Variants in ZNF48 observed in about 807,000 individuals in gnomAD.
ZNF48 encodes zinc finger protein 553.
A neutral mutation model predicts 40.0 loss-of-function variants in ZNF48; 20 were observed. The observed-to-expected ratio is 0.50, with a 90% CI of 0.35 to 0.73. The LOEUF is 0.73. ZNF48 is among the 30% of genes least tolerant of loss of function. ZNF48 has a pLI of 0.01. For missense variants in ZNF48, 726 were observed against 851.9 expected (o/e 0.85, Z 1.84); for synonymous variants, 298 against 329.7 (o/e 0.90, Z 1.04).
intron 1 of ZNF48, chr16:30,378,595 G>A (rs747058994): frequency 6.2e-7 from 1 of 1,611,098 alleles, no homozygotes; most frequent in Non-Finnish European, 8.5e-7. Flanking sequence ...GGGGGGAAGC[G>A]AGGTGCGTGC....
At position 30,395,658 on chromosome 16, in the gene ZNF48, G is replaced by A; in HGVS notation, c.-16+80G>A. 1 of 750,838 alleles carries A rather than the reference G, an allele frequency of 1.3e-6. No homozygotes were observed. Among genetic ancestry groups the A allele is most frequent in the African/African-American group, 1.9e-5 (1 of 53,834 alleles). 46.5% of individuals were successfully genotyped at this position (750,838 alleles called of 1,614,324 possible). On this transcript the variant is annotated intron_variant, in intron 1 of 2. Coordinates refer to ENST00000613509, the MANE Select transcript of ZNF48 (RefSeq NM_001214909.2). This position sits in a 1 kb window ranked among gnomAD's most constrained non-coding sequence, Gnocchi z 5.9. ...GCGCGGGCAGGGGGCACCGGGAGCC[G>A]CGCCCGTACCTGGGACCCGACGCCG...
In ZNF48 at chr16:30,399,310, C is replaced by T. The variant is rs1011621902; in HGVS notation, c.*203C>T. ...GGGCTGAGTCAGGACCTTGCCAGGA[C>T]GGGCTGTACCCCTGGCTTCTAGAAG... On this transcript the variant is annotated 3_prime_UTR_variant, in exon 3 of 3. Coordinates refer to ENST00000613509, the MANE Select transcript of ZNF48 (RefSeq NM_001214909.2). 11 of 537,436 alleles carry T rather than the reference C, an allele frequency of 2.0e-5. No individual in the cohort carries two copies. The highest frequency in any genetic ancestry group is 3.8e-5 in the African/African-American group (2 of 52,880). The allele number at this position is 537,436 out of a possible 1,614,324, so 33.3% of individuals were successfully genotyped here.
At chr16:30,379,551 A>G (rs775771282) in intron 1 of ZNF48, 2 of 1,597,648 alleles carry the variant, frequency 1.3e-6, no homozygotes. Context: ...GGCAGGGGGC[A>G]GGGGTTCACC....
At chr16:30,391,829 C>CT (rs1433544623), upstream of ZNF48, among the ~76,000 whole-genome samples, 109 of 79,512 alleles carry the variant, frequency 1.4e-3, no homozygotes, top group African/African-American at 5.1e-3. Flanking sequence ...TTTCTTTCTC[C>CT]TTTTTTTTTG....
At chr16:30,387,445 T>G (rs2049910626) in intron 1 of ZNF48, among the ~76,000 whole-genome samples, 1 of 147,142 alleles carries the variant, frequency 6.8e-6, no homozygotes. Context: ...ATCCCAGATA[T>G]TCGGGAGGCT....
chr16:30,378,454 C>T (rs1053587490), intron 1 of ZNF48: 6 of 1,569,844 alleles, frequency 3.8e-6, no homozygotes, highest in Non-Finnish European at 5.2e-6. Flanking sequence ...TCTGACTGCT[C>T]GCCCTGGGCC....
Position 30,385,176 on chromosome 16 carries a change from AAATAATAATAATAATAATAAT to A in ZNF48, c.-16+6792_-16+6812del, listed in dbSNP as rs71149012. ...GGCAACAAGAGCAAAACTCTTTCTCAAATAATAATAATAATAATAATAATAATAATAATAATAATAATAATA... is the reference window on the plus strand; with the variant it reads ...GGCAACAAGAGCAAAACTCTTTCTCAAATAATAATAATAATAATAATAATA... On this transcript the variant is annotated intron_variant, in intron 1 of 2. Transcript: ENST00000528032. Among the ~76,000 whole-genome samples, 245 of 140,900 alleles carry A rather than the reference AAATAATAATAATAATAATAAT, an allele frequency of 1.7e-3. 1 individual carries two copies. The highest frequency in any genetic ancestry group is 4.2e-3 in the Admixed American group (59 of 13,904). The allele number at this position is 140,900 out of a possible 152,430, so 92.4% of individuals were successfully genotyped here. A position where few individuals can be genotyped will look rare whatever the true frequency, so the allele number is the denominator to read the frequency against.
chr16:30,395,186 C>T (rs988711783), upstream of ZNF48: 1 of 455,306 alleles, frequency 2.2e-6, no homozygotes, highest in Non-Finnish European at 4.4e-6. The surrounding 1 kb of genome is among the most constrained non-coding windows in gnomAD (Gnocchi z 5.9). Flanking sequence ...TGGCTGGAGA[C>T]ACACAGCCAC....
upstream of ZNF48, among the ~76,000 whole-genome samples, chr16:30,390,765 C>T (rs1415186726): frequency 2.0e-5 from 3 of 151,618 alleles, no homozygotes; most frequent in East Asian, 1.9e-4. Context: ...GGACTACAGG[C>T]GCCCGCCATC....
rs764244550 is a variant in ZNF48 at position 30,381,288 on chromosome 16, A to AC, written c.-16+2884dup. On this transcript the variant is annotated intron_variant, in intron 1 of 2. Transcript: ENST00000528032. The surrounding 1 kb of genome is among the most constrained non-coding windows in gnomAD (Gnocchi z 4.3). ...CATTGCCCAGCCTCAGGGGGCAGAG[A>AC]CCCCCCAGCCCTCCCTAAATGCGCC... 2.3e-5 allele frequency: 35 copies of AC among 1,498,650 alleles called. No individual in the cohort carries two copies. Among genetic ancestry groups the AC allele is most frequent in the East Asian group, 1.1e-4 (5 of 44,254 alleles). 92.8% of individuals were successfully genotyped at this position (1,498,650 alleles called of 1,614,324 possible). A position where few individuals can be genotyped will look rare whatever the true frequency, so the allele number is the denominator to read the frequency against.
chr16:30,387,987 A>G (rs185953747), intron 1 of ZNF48, among the ~76,000 whole-genome samples: 57 of 140,364 alleles, frequency 4.1e-4, no homozygotes, highest in African/African-American at 1.4e-3. Flanking sequence ...TTTTTTGGAG[A>G]GGGAGTTTTT....
In ZNF48 at chr16:30,395,621, G is replaced by C. The variant is rs2049975637; in HGVS notation, c.-16+43G>C. ...GCGCTGGGAGGAGCAGCAGGTGCAG[G>C]GGCGGCCGGCGGCGCGGGCAGGGGG... is the stretch of plus-strand genomic sequence containing the variant. On this transcript the variant is annotated intron_variant, in intron 1 of 2. Coordinates refer to ENST00000613509, the MANE Select transcript of ZNF48 (RefSeq NM_001214909.2). This position sits in a 1 kb window ranked among gnomAD's most constrained non-coding sequence, Gnocchi z 5.9. The C allele has an allele frequency of 3.1e-6, 1 of 327,142 alleles. No homozygotes were observed. The highest frequency in any genetic ancestry group is 2.2e-5 in the African/African-American group (1 of 44,964). 20.3% of individuals were successfully genotyped at this position (327,142 alleles called of 1,614,324 possible).
rs1048392341 is a variant in ZNF48, at chr16:30,399,241, G to A, written c.*134G>A. On this transcript the variant is annotated 3_prime_UTR_variant, in exon 3 of 3. Transcript: ENST00000613509. ...GGGGAGGAAGAATAGATAGAAATAG[G>A]GATTGGAGACAGTAACCTTGAAGCT... 9.9e-6 allele frequency: 9 copies of A among 905,076 alleles called. No homozygotes were observed. The East Asian group carries it at 1.3e-4, about 13-fold the overall frequency. The allele number at this position is 905,076 out of a possible 1,614,324, so 56.1% of individuals were successfully genotyped here.
chr16:30,398,663 T>C lies in ZNF48; in HGVS notation c.1413T>C (p.Arg471=). Reference sequence around the variant, plus strand: ...GCTCTGACCTGGTGAAACACCATCGTGTGCACACAGGGGAGAAACCCTACC... The same window carrying C: ...GCTCTGACCTGGTGAAACACCATCGCGTGCACACAGGGGAGAAACCCTACC... ...RRSSDLVKHH[R]VHTGEKPYLC... is the part of the protein sequence containing the mutation. The change falls in exon 3 of 3, where the codon CGT becomes CGC. Residue 471 remains arginine, a synonymous_variant. Coordinates refer to ENST00000613509, the MANE Select transcript of ZNF48 (RefSeq NM_001214909.2). This position sits in a 1 kb window ranked among gnomAD's most constrained non-coding sequence, Gnocchi z 6.6. 1 of 1,610,462 alleles carries C rather than the reference T, an allele frequency of 6.2e-7. No homozygotes were observed. Among genetic ancestry groups the C allele is most frequent in the East Asian group, 2.2e-5 (1 of 44,564 alleles).
chr16:30,385,198 A>G (rs936156394), intron 1 of ZNF48, among the ~76,000 whole-genome samples: 1 of 145,306 alleles, frequency 6.9e-6, no homozygotes, highest in African/African-American at 2.6e-5. Flanking sequence ...TAATAATAAT[A>G]ATAATAATAA....
chr16:30,398,498 T>C lies in ZNF48; in HGVS notation c.1248T>C (p.Ser416=). The C allele has an allele frequency of 6.3e-7, 1 of 1,588,876 alleles. No individual in the cohort carries two copies. The highest frequency in any genetic ancestry group is 1.1e-5 in the South Asian group (1 of 88,046). The part of the protein sequence containing the change: ...LGTSPPLTPR[S]PSHSGEPFGL... ...CCAGCCCCCCGCTGACACCTCGAAG[T>C]CCCTCACACTCGGGTGAGCCTTTTG... Residue 416 remains serine, a synonymous_variant, in exon 3 of 3, where the codon AGT becomes AGC. Coordinates refer to ENST00000613509, the MANE Select transcript of ZNF48 (RefSeq NM_001214909.2). The surrounding 1 kb of genome is among the most constrained non-coding windows in gnomAD (Gnocchi z 6.6).
At chr16:30,390,643 ATGGAGTTTTCTCTGTCGCCCAGGC>A (rs1473921273), upstream of ZNF48, among the ~76,000 whole-genome samples, 12 of 50,132 alleles carry the variant, frequency 2.4e-4, no homozygotes, top group Admixed American at 1.1e-3. Flanking sequence ...TTTTTTTGAG[ATGGAGTTTTCTCTGTCGCCCAGGC>A]TGGAGTGCAG....
At position 30,397,537 on chromosome 16, in the gene ZNF48, G is replaced by A. The variant is rs751048168; in HGVS notation, c.287G>A (p.Arg96Gln). The change falls in exon 3 of 3, where the codon CGG becomes CAG. Residue 96 changes from arginine (R) to glutamine (Q), a missense_variant. By Grantham distance (43) the Arg-to-Gln change is conservative. Coordinates refer to ENST00000613509, the MANE Select transcript of ZNF48 (RefSeq NM_001214909.2). This position sits in a 1 kb window ranked among gnomAD's most constrained non-coding sequence, Gnocchi z 4.1. ...GKPQPRDRGP[R>Q]LLGEPRWGQA... ...CCTCAGCCTCGGGACAGAGGCCCCC[G>A]GCTCCTGGGTGAACCACGCTGGGGC... The A allele has an allele frequency of 7.4e-6, 12 of 1,614,112 alleles. No homozygotes were observed. Among genetic ancestry groups the A allele is most frequent in the South Asian group, 3.3e-5 (3 of 91,086 alleles).
Position 30,395,936 on chromosome 16 carries a change from G to T in ZNF48, c.79+63G>T, listed in dbSNP as rs1302683532. 4.2e-6 allele frequency: 6 copies of T among 1,422,366 alleles called. No homozygotes were observed. In the East Asian group the frequency reaches 1.4e-4, roughly 32 times the overall value. 88.1% of individuals were successfully genotyped at this position (1,422,366 alleles called of 1,614,324 possible). ...CGGCCGGTGGGGACTGCGATGCTTG[G>T]CTGTGGCCGGCCGAGATCCTGGAAG... On this transcript the variant is annotated intron_variant, in intron 2 of 2. Transcript: ENST00000613509. This position sits in a 1 kb window ranked among gnomAD's most constrained non-coding sequence, Gnocchi z 5.9.
Sources: allele counts gnomAD v4.1 joint callset (sites outside exome capture counted in the v4.1 genomes callset), GRCh38; gene constraint gnomAD v4.1.1; non-coding constraint Gnocchi (gnomAD v3.1); transcripts MANE v1.5; gene names NCBI Gene and HGNC (gene_info 2026-07-23, HGNC 2026-07-21).